Variants in CC2D2A observed in about 807,000 individuals in gnomAD.
CC2D2A encodes the protein coiled-coil and C2 domain containing 2A.
A neutral mutation model predicts 212.9 loss-of-function variants in CC2D2A; 155 were observed. That is an observed-to-expected ratio of 0.73 (90% confidence interval 0.64 to 0.83). The LOEUF (loss-of-function observed/expected upper bound fraction) is 0.83, where lower values mean the gene tolerates loss of function less well. CC2D2A is among the 40% of genes least tolerant of loss of function. The pLI is 0.00. For synonymous variants in CC2D2A, 667 were observed against 686.5 expected (o/e 0.97, Z 0.44); for missense variants, 1,856 against 1,956.2 (o/e 0.95, Z 0.97).
chr4:15,588,291 G>C (rs936840556), intron 32 of CC2D2A, among the ~76,000 whole-genome samples: 3 of 152,154 alleles, frequency 2.0e-5, no homozygotes, highest in African/African-American at 7.2e-5. Flanking sequence ...AGGATCCAAA[G>C]GAGTGTGTGT....
intron 24 of CC2D2A, 80 bp downstream of exon 24, chr4:15,563,602 C>G (rs1719725135): frequency 1.4e-6 from 2 of 1,447,744 alleles, no homozygotes; most frequent in African/African-American, 2.8e-5. Flanking sequence ...CATACTCACT[C>G]TCATTCTTAA....
At chr4:15,571,053 T>C (rs1400636416) in intron 28 of CC2D2A, among the ~76,000 whole-genome samples, 2 of 152,194 alleles carry the variant, frequency 1.3e-5, no homozygotes, top group Non-Finnish European at 2.9e-5. Context: ...TCCTTACAAT[T>C]AGTAGTTAAT....
Position 15,550,906 on chromosome 4 carries a change from G to C in CC2D2A, c.2264G>C (p.Gly755Ala). The change falls in exon 18 of 37, where the codon GGA (glycine) becomes GCA (alanine). Residue 755 changes from glycine to alanine, a missense_variant. Coordinates refer to ENST00000424120, the MANE Select transcript of CC2D2A (RefSeq NM_001378615.1). ...LPIPETTVVT[G>A]RAPTEEVEFS... ...ATTCCTGAGACTACTGTTGTCACTG[G>C]AAGGGCTCCTACTGAAGAAGTGGAG... The C allele has an allele frequency of 6.2e-7, 1 of 1,609,960 alleles. No homozygotes were observed. Among genetic ancestry groups the C allele is most frequent in the Non-Finnish European group, 8.5e-7 (1 of 1,176,722 alleles).
chr4:15,470,760 C>A lies in CC2D2A; in HGVS notation c.-19+703C>A, dbSNP rs1365100189. Among the ~76,000 whole-genome samples the A allele has an allele frequency of 3.6e-5, 5 of 140,552 alleles. No homozygotes were observed. The East Asian group carries it at 1.1e-3, about 30-fold the overall frequency. The allele number at this position is 140,552 out of a possible 152,430, so 92.2% of individuals were successfully genotyped here. On this transcript the variant is annotated intron_variant, in intron 1 of 36. Coordinates refer to ENST00000424120, the MANE Select transcript of CC2D2A (RefSeq NM_001378615.1). Reference sequence around the variant, plus strand: ...CCTAGAGCTCACTTATAGAGTCATTCATTCAAACATTTATGGAGCATCAAC... The same window carrying A: ...CCTAGAGCTCACTTATAGAGTCATTAATTCAAACATTTATGGAGCATCAAC...
At chr4:15,539,555 T>C (rs1393893720) in intron 16 of CC2D2A, among the ~76,000 whole-genome samples, 1 of 152,138 alleles carries the variant, frequency 6.6e-6, no homozygotes, top group Non-Finnish European at 1.5e-5. Flanking sequence ...GATTGATTTA[T>C]TCTAATGATT....
rs185343797 is a variant in CC2D2A at position 15,504,669 on chromosome 4, T to G, written c.438+1746T>G. 2.7e-3 allele frequency among the ~76,000 whole-genome samples: 412 copies of G among 152,322 alleles called. 2 individuals are homozygous for G. Among genetic ancestry groups the G allele is most frequent in the Non-Finnish European group, 5.1e-3 (346 of 68,024 alleles). ...AGTAAAAATATACTCCCTGGGCTAC[T>G]AGGGTGTTTATTTCTCATTGTAATC... is the stretch of plus-strand genomic sequence containing the variant. On this transcript the variant is annotated intron_variant, in intron 6 of 36. Coordinates refer to ENST00000424120, the MANE Select transcript of CC2D2A (RefSeq NM_001378615.1).
At chr4:15,509,942 C>A (rs1716469066) in intron 6 of CC2D2A, among the ~76,000 whole-genome samples, 197 bp from the exon 7 acceptor site, 1 of 152,214 alleles carries the variant, frequency 6.6e-6, no homozygotes, top group South Asian at 2.1e-4. Context: ...CTCCGTCATG[C>A]ATGCAGTTCT....
chr4:15,540,250 C>T (rs1201962969), intron 16 of CC2D2A, among the ~76,000 whole-genome samples: 1 of 151,684 alleles, frequency 6.6e-6, no homozygotes, highest in Non-Finnish European at 1.5e-5. Flanking sequence ...GATGTCTATA[C>T]ACATATGTAC....
At chr4:15,503,281 C>A (rs1397263292) in intron 6 of CC2D2A, among the ~76,000 whole-genome samples, 1 of 152,208 alleles carries the variant, frequency 6.6e-6, no homozygotes, top group East Asian at 1.9e-4. Context: ...CCTGCCTGGG[C>A]AACAGTGAGA....
chr4:15,504,941 C>G (rs930555249), intron 6 of CC2D2A, among the ~76,000 whole-genome samples: 1 of 152,192 alleles, frequency 6.6e-6, no homozygotes, highest in Non-Finnish European at 1.5e-5. Context: ...CTGACCAGGG[C>G]TAAAGGCTGC....
intron 14 of CC2D2A, 84 bp from the exon 15 acceptor site, chr4:15,536,836 A>G: frequency 1.5e-6 from 2 of 1,305,922 alleles, no homozygotes; most frequent in Non-Finnish European, 2.1e-6. Flanking sequence ...GGCACATAGC[A>G]AGTCCAATAT....
intron 6 of CC2D2A, among the ~76,000 whole-genome samples, chr4:15,505,490 GTGTCCGA>G (rs891967027): frequency 1.3e-5 from 2 of 152,118 alleles, no homozygotes; most frequent in African/African-American, 4.8e-5. Context: ...TTCCTGCCAG[GTGTCCGA>G]TAGGCTCAGA....
At chr4:15,525,280 A>T (rs535989652) in intron 11 of CC2D2A, among the ~76,000 whole-genome samples, 2 of 152,356 alleles carry the variant, frequency 1.3e-5, no homozygotes, top group African/African-American at 4.8e-5. Flanking sequence ...GAGTGATCTC[A>T]TAACTCTGGA....
Position 15,560,603 on chromosome 4 carries a change from GA to G in CC2D2A, c.2997del (p.Glu1000LysfsTer10). 1 of 1,455,080 alleles carries G rather than the reference GA, an allele frequency of 6.9e-7. No homozygotes were observed. Among genetic ancestry groups the G allele is most frequent in the Non-Finnish European group, 9.5e-7 (1 of 1,055,680 alleles). 90.1% of individuals were successfully genotyped at this position (1,455,080 alleles called of 1,614,324 possible). ...TCTTCTTGCTGATATGATAGTAGAAGAAGAAGTTCCCAATATCAGGTAAAAA... is the reference window on the plus strand; with the variant it reads ...TCTTCTTGCTGATATGATAGTAGAAGAGAAGTTCCCAATATCAGGTAAAAA... ...YFLLADMIVE[E>X]EVPNISILGL... On this transcript the variant is annotated frameshift_variant, in exon 23 of 37. Transcript: ENST00000424120. LOFTEE classifies it high-confidence loss of function.
At chr4:15,568,320 G>A (rs1029725974) in intron 26 of CC2D2A, among the ~76,000 whole-genome samples, 5 of 152,224 alleles carry the variant, frequency 3.3e-5, no homozygotes, top group Non-Finnish European at 7.3e-5. Flanking sequence ...AAGGGAAGGT[G>A]ACTTACTTAA....
rs1348829132 is a variant in CC2D2A at position 15,579,958 on chromosome 4, C to G, written c.3772-10C>G. 6.2e-7 allele frequency: 1 copy of G among 1,608,268 alleles called. No individual in the cohort carries two copies. The highest frequency in any genetic ancestry group is 8.5e-7 in the Non-Finnish European group (1 of 1,175,974). On this transcript the variant is annotated splice_polypyrimidine_tract_variant and intron_variant, in intron 29 of 36. Transcript: ENST00000424120. Reference sequence around the variant, plus strand: ...CATACATAAACTCCATGAAGTCTTTCTTTTTGAAGTTTGAGTCTCAGGAAG... The same window carrying G: ...CATACATAAACTCCATGAAGTCTTTGTTTTTGAAGTTTGAGTCTCAGGAAG...
intron 6 of CC2D2A, among the ~76,000 whole-genome samples, chr4:15,505,604 G>A (rs888225222): frequency 6.6e-6 from 1 of 152,158 alleles, no homozygotes; most frequent in African/African-American, 2.4e-5. Flanking sequence ...GGTGGGTGCT[G>A]TTAGCAGCCC....
chr4:15,578,414 T>C (rs1054460563), intron 29 of CC2D2A, among the ~76,000 whole-genome samples: 4 of 152,200 alleles, frequency 2.6e-5, no homozygotes, highest in East Asian at 1.9e-4. Context: ...TAGATTCTAT[T>C]TGAGGTCATA....
At chr4:15,498,166 C>T (rs1340335708) in intron 4 of CC2D2A, among the ~76,000 whole-genome samples, 1 of 152,126 alleles carries the variant, frequency 6.6e-6, no homozygotes, top group Non-Finnish European at 1.5e-5. Flanking sequence ...CTCATGTAGC[C>T]TTGGGGTTAA....
Sources: allele counts gnomAD v4.1 joint callset (sites outside exome capture counted in the v4.1 genomes callset), GRCh38; gene constraint gnomAD v4.1.1; transcripts MANE v1.5; gene names NCBI Gene and HGNC (gene_info 2026-07-23, HGNC 2026-07-21).